ARHGAP10: variants seen among roughly 807,000 people sequenced by gnomAD.
ARHGAP10 encodes Rho GTPase activating protein 10.
Under a neutral mutation model 108.6 loss-of-function variants are expected in ARHGAP10, and 87 were observed. The ratio of observed to expected loss-of-function variants is 0.80; its 90% CI spans 0.67 to 0.96. The LOEUF (loss-of-function observed/expected upper bound fraction) is 0.96. Ranked by LOEUF, ARHGAP10 falls within the 40% of genes least tolerant of loss-of-function variation. The pLI, the probability that ARHGAP10 is intolerant of heterozygous loss-of-function variation, is 0.00. For missense variants in ARHGAP10, 939 were observed against 954.5 expected (o/e 0.98, Z 0.21); for synonymous variants, 347 against 341.1 (o/e 1.02, Z -0.19).
chr4:147,945,639 C>T (rs902481874), intron 14 of ARHGAP10, among the ~76,000 whole-genome samples: 1 of 152,136 alleles, frequency 6.6e-6, no homozygotes, highest in African/African-American at 2.4e-5. Flanking sequence ...GAACAGAAAT[C>T]CTGAAAATCT....
intron 1 of ARHGAP10, among the ~76,000 whole-genome samples, chr4:147,792,257 C>G (rs1731152978): frequency 6.6e-6 from 1 of 152,178 alleles, no homozygotes; most frequent in Non-Finnish European, 1.5e-5. Context: ...CTTATTGTTT[C>G]TAACTTGAAT....
At chr4:148,058,239 T>A (rs1729448524) in intron 20 of ARHGAP10, among the ~76,000 whole-genome samples, 3 of 152,216 alleles carry the variant, frequency 2.0e-5, no homozygotes, top group Admixed American at 2.0e-4. Flanking sequence ...TTCACTAATG[T>A]GTTAGCTTCT....
intron 20 of ARHGAP10, among the ~76,000 whole-genome samples, chr4:148,062,592 A>AT (rs1325863705): frequency 4.6e-5 from 7 of 152,262 alleles, no homozygotes. Flanking sequence ...TTAAAAAAAA[A>AT]GGGAAATATT....
intron 1 of ARHGAP10, among the ~76,000 whole-genome samples, chr4:147,772,503 A>C (rs973061243): frequency 2.0e-5 from 3 of 152,236 alleles, no homozygotes; most frequent in Admixed American, 6.5e-5. Context: ...TTATTGACTT[A>C]ATGTTCTAGC....
In ARHGAP10 at chr4:147,774,131, A is replaced by G. The variant is rs146828659; in HGVS notation, c.154+41676A>G. On this transcript the variant is annotated intron_variant, in intron 1 of 22. Coordinates refer to ENST00000336498, the MANE Select transcript of ARHGAP10 (RefSeq NM_024605.4). ...GAAATGAGTTAATAAATGTAAGGCAATTTAGGATAGTGCCTGGCACATAGT... is the reference window on the plus strand; with the variant it reads ...GAAATGAGTTAATAAATGTAAGGCAGTTTAGGATAGTGCCTGGCACATAGT... 3.9e-5 allele frequency among the ~76,000 whole-genome samples: 6 copies of G among 152,350 alleles called. No homozygotes were observed. The East Asian group carries it at 1.2e-3, about 29-fold the overall frequency.
rs148515090 is a variant in ARHGAP10 at position 147,788,767 on chromosome 4, T to G, written c.155-33960T>G. 3.3e-5 allele frequency among the ~76,000 whole-genome samples: 5 copies of G among 152,314 alleles called. No individual in the cohort carries two copies. In the East Asian group the frequency reaches 7.7e-4, roughly 23 times the overall value. On this transcript the variant is annotated intron_variant, in intron 1 of 22. Transcript: ENST00000336498. ...TATTCTTGAGGTATTTGCTGAGAGC[T>G]CTAATTATCAGTACTTTAGCAGATT...
chr4:148,064,562 T>G (rs1729777855), intron 22 of ARHGAP10, 55 bp downstream of exon 22: 6 of 1,509,148 alleles, frequency 4.0e-6, no homozygotes, highest in Non-Finnish European at 5.5e-6. Context: ...TTAATAAGTC[T>G]GCAGCATGGA....
chr4:147,779,027 G>C (rs896403131), intron 1 of ARHGAP10, among the ~76,000 whole-genome samples: 1 of 152,172 alleles, frequency 6.6e-6, no homozygotes, highest in Admixed American at 6.5e-5. Flanking sequence ...GATGTGGAGG[G>C]TTTCTTCCGG....
chr4:148,037,663 C>T, intron 19 of ARHGAP10, among the ~76,000 whole-genome samples: 1 of 152,012 alleles, frequency 6.6e-6, no homozygotes, highest in East Asian at 1.9e-4. Flanking sequence ...GGTGAAACCC[C>T]TTCTCTATTG....
chr4:147,837,662 T>TTTTTTTTTTTTTTTTTTTTTTTC (rs1733233202), intron 3 of ARHGAP10, among the ~76,000 whole-genome samples: 1 of 148,594 alleles, frequency 6.7e-6, no homozygotes, highest in Non-Finnish European at 1.5e-5. Context: ...TTTTTTTTTT[T>TTTTTTTTTTTTTTTTTTTTTTTC]AAAGCAGTAG....
In ARHGAP10 at chr4:147,741,806, A is replaced by G. The variant is rs746743421; in HGVS notation, c.154+9351A>G. ...CACACACACACGCACACACACACACACACACACACACACACACACACACCA... is the reference window on the plus strand; with the variant it reads ...CACACACACACGCACACACACACACGCACACACACACACACACACACACCA... On this transcript the variant is annotated intron_variant, in intron 1 of 22. Coordinates refer to ENST00000336498, the MANE Select transcript of ARHGAP10 (RefSeq NM_024605.4). Among the ~76,000 whole-genome samples, 100 of 147,274 alleles carry G rather than the reference A, an allele frequency of 6.8e-4. 1 individual carries two copies. The South Asian group carries it at 0.01, about 15-fold the overall frequency.
intron 1 of ARHGAP10, among the ~76,000 whole-genome samples, chr4:147,768,016 C>A (rs1300641292): frequency 6.6e-6 from 1 of 152,198 alleles, no homozygotes; most frequent in Non-Finnish European, 1.5e-5. Flanking sequence ...AGTCTTCAGG[C>A]ATGAAACATA....
chr4:147,786,154 G>T (rs574962732), intron 1 of ARHGAP10, among the ~76,000 whole-genome samples: 56 of 152,282 alleles, frequency 3.7e-4, no homozygotes, highest in Non-Finnish European at 4.7e-4. Flanking sequence ...CTCTAAAGAG[G>T]TCTGTGAAGT....
intron 1 of ARHGAP10, among the ~76,000 whole-genome samples, chr4:147,798,799 A>G (rs1424899295): frequency 9.5e-6 from 1 of 105,668 alleles, no homozygotes; most frequent in Non-Finnish European, 2.0e-5. Flanking sequence ...ATATATATAT[A>G]TATATATATA....
At chr4:147,824,721 A>G (rs945720791) in intron 3 of ARHGAP10, among the ~76,000 whole-genome samples, 1 of 152,126 alleles carries the variant, frequency 6.6e-6, no homozygotes, top group Non-Finnish European at 1.5e-5. Context: ...ACTCACTGTC[A>G]TGAGAACAGC....
At chr4:147,925,131 A>G (rs1033754022) in intron 13 of ARHGAP10, among the ~76,000 whole-genome samples, 4 of 152,220 alleles carry the variant, frequency 2.6e-5, no homozygotes, top group East Asian at 1.9e-4. Context: ...GAGCATTAAG[A>G]TATCCTGAGC....
At chr4:147,838,208 T>C (rs1167820718) in intron 3 of ARHGAP10, among the ~76,000 whole-genome samples, 1 of 152,212 alleles carries the variant, frequency 6.6e-6, no homozygotes, top group Non-Finnish European at 1.5e-5. Context: ...CTGCCTGAGT[T>C]CTTTGAGCTA....
intron 1 of ARHGAP10, among the ~76,000 whole-genome samples, chr4:147,784,303 C>A: frequency 8.6e-6 from 1 of 115,952 alleles, no homozygotes; most frequent in East Asian, 2.8e-4. Context: ...ATTTACATAA[C>A]ATTAAATTTT....
chr4:147,914,543 G>T (rs77523887), intron 13 of ARHGAP10, among the ~76,000 whole-genome samples: 48 of 141,796 alleles, frequency 3.4e-4, no homozygotes, highest in African/African-American at 1.2e-3. Context: ...TTTTAATTAC[G>T]CATGTTCTGC....
Sources: allele counts gnomAD v4.1 joint callset (sites outside exome capture counted in the v4.1 genomes callset), GRCh38; gene constraint gnomAD v4.1.1; transcripts MANE v1.5; gene names NCBI Gene and HGNC (gene_info 2026-07-23, HGNC 2026-07-21).